B4GALNT4: variants seen among roughly 807,000 people sequenced by gnomAD.
B4GALNT4 encodes N-acetyl-beta-glucosaminyl-glycoprotein 4-beta-N-acetylgalactosaminyltransferase 1.
A neutral mutation model predicts 110.0 loss-of-function variants in B4GALNT4; 77 were observed. The observed-to-expected ratio is 0.70, with a 90% CI of 0.58 to 0.85. The LOEUF (loss-of-function observed/expected upper bound fraction) is 0.85. Among genes scored for constraint, B4GALNT4 ranks in the 40% least tolerant of loss-of-function variants. B4GALNT4 has a pLI of 0.00. For synonymous variants in B4GALNT4, 785 were observed against 655.5 expected (o/e 1.20, Z -3.02); for missense variants, 1,575 against 1,506.0 (o/e 1.05, Z -0.76).
At chr11:378,147 G>T (rs1182920716) in intron 14 of B4GALNT4, among the ~76,000 whole-genome samples, 1 of 152,022 alleles carries the variant, frequency 6.6e-6, no homozygotes, top group Non-Finnish European at 1.5e-5. Flanking sequence ...ATGGAAGGTT[G>T]CGAGCAGAGC....
chr11:375,357 G>A (rs986296418), intron 8 of B4GALNT4, 104 bp from the exon 9 acceptor site: 1 of 1,175,890 alleles, frequency 8.5e-7, no homozygotes, highest in Admixed American at 1.7e-5. Context: ...CATCCTTTAA[G>A]GGATTGGTCC....
chr11:372,966 G>C lies in B4GALNT4; in HGVS notation c.444+19G>C. 6.2e-7 allele frequency: 1 copy of C among 1,612,446 alleles called. No homozygotes were observed. The highest frequency in any genetic ancestry group is 8.5e-7 in the Non-Finnish European group (1 of 1,179,864). On this transcript the variant is annotated intron_variant, in intron 4 of 19. Coordinates refer to ENST00000329962, the MANE Select transcript of B4GALNT4 (RefSeq NM_178537.5). ...CCCTCATGTGAGTGCCGGGGTTGGGGGGTGCCGGGTGGGCAGGGCACGCAG... is the reference window on the plus strand; with the variant it reads ...CCCTCATGTGAGTGCCGGGGTTGGGCGGTGCCGGGTGGGCAGGGCACGCAG...
At position 376,319 on chromosome 11, in the gene B4GALNT4, A is replaced by C. The variant is rs1277126494; in HGVS notation, c.1265A>C (p.Gln422Pro). The change falls in exon 13 of 20, where the codon CAG (glutamine) becomes CCG (proline). Residue 422 changes from glutamine (Q) to proline (P), a missense_variant. Physicochemically the swap from Gln to Pro is moderately conservative, Grantham distance 76. Coordinates refer to ENST00000329962, the MANE Select transcript of B4GALNT4 (RefSeq NM_178537.5). ...EGDEDEEDEV[Q>P]RRAFLFLNPD... Reference sequence around the variant, plus strand: ...GATGAGGATGAAGAAGACGAGGTGCAGCGCCGAGCCTTCCTCTTCCTCAAC... The same window carrying C: ...GATGAGGATGAAGAAGACGAGGTGCCGCGCCGAGCCTTCCTCTTCCTCAAC... The C allele has an allele frequency of 1.2e-6, 2 of 1,609,862 alleles. No individual in the cohort carries two copies. Among genetic ancestry groups the C allele is most frequent in the Non-Finnish European group, 1.7e-6 (2 of 1,178,256 alleles).
Position 379,625 on chromosome 11 carries a change from C to G in B4GALNT4, c.2412C>G (p.Pro804=), listed in dbSNP as rs772295611. 5.9e-6 allele frequency: 9 copies of G among 1,524,402 alleles called. No individual in the cohort carries two copies. Among genetic ancestry groups the G allele is most frequent in the African/African-American group, 5.6e-5 (4 of 71,212 alleles). The allele number at this position is 1,524,402 out of a possible 1,614,324, so 94.4% of individuals were successfully genotyped here. A position where few individuals can be genotyped will look rare whatever the true frequency, so the allele number is the denominator to read the frequency against. Residue 804 remains proline (P), a synonymous_variant, in exon 15 of 20, where the codon CCC becomes CCG. Transcript: ENST00000329962. The stretch of plus-strand genomic sequence containing the variant: ...CCGCTCCCGCCGCCTCCGTGCGCCC[C>G]GACGGCCGCCCCGAGCTCTGCCGGC... The part of the protein sequence containing the change: ...PEPAPAASVR[P]DGRPELCRPL...
At chr11:380,593 C>T (rs971880926) in intron 18 of B4GALNT4, 148 bp downstream of exon 18, 32 of 1,295,374 alleles carry the variant, frequency 2.5e-5, no homozygotes, top group Non-Finnish European at 3.1e-5. Flanking sequence ...CCAGTCCCCC[C>T]GCACCAGCAC....
chr11:377,429 C>A (rs977715541), intron 14 of B4GALNT4, 102 bp downstream of exon 14: 50 of 1,278,090 alleles, frequency 3.9e-5, no homozygotes, highest in Non-Finnish European at 4.9e-5. Context: ...TTCCCCAGGG[C>A]CCAGTGGTGT....
intron 6 of B4GALNT4, 46 bp from the exon 7 acceptor site, chr11:373,403 A>ACTGGGGGGGGGGGGGGGGGGGGGGGG: frequency 7.9e-7 from 1 of 1,259,488 alleles, no homozygotes; most frequent in Non-Finnish European, 1.1e-6. Context: ...CCAGGGAGAG[A>ACTGGGGGGGGGGGGGGGGGGGGGGGG]GTGAACCCCC....
chr11:376,404 A>C lies in B4GALNT4; in HGVS notation c.1298-17A>C. ...CACCCACCTGCGCAGGGAGCTTCTA[A>C]CCCGCGTTTCCCGCAGACTTCCTGG... On this transcript the variant is annotated splice_polypyrimidine_tract_variant and intron_variant, in intron 13 of 19. Transcript: ENST00000329962. 2 of 1,601,650 alleles carry C rather than the reference A, an allele frequency of 1.2e-6. No homozygotes were observed. The highest frequency in any genetic ancestry group is 1.7e-6 in the Non-Finnish European group (2 of 1,177,912).
Position 373,943 on chromosome 11 carries a change from T to C in B4GALNT4, c.783+115T>C, listed in dbSNP as rs11826787. The stretch of plus-strand genomic sequence containing the variant: ...TTGACAAAGCAGATGGTCAGGGCCA[T>C]GGGCCTGAGGTCAGGAGGGTCTGCT... On this transcript the variant is annotated intron_variant, in intron 8 of 19. Coordinates refer to ENST00000329962, the MANE Select transcript of B4GALNT4 (RefSeq NM_178537.5). 1.2e-3 allele frequency: 1,274 copies of C among 1,075,678 alleles called. 6 individuals carry two copies. In the African/African-American group the frequency reaches 0.017, roughly 15 times the overall value. 66.6% of individuals were successfully genotyped at this position (1,075,678 alleles called of 1,614,324 possible).
At chr11:380,271 C>G in intron 17 of B4GALNT4, 21 bp from the exon 18 acceptor site, 1 of 1,611,378 alleles carries the variant, frequency 6.2e-7, no homozygotes, top group Non-Finnish European at 8.5e-7. Flanking sequence ...GGGCGGGGCT[C>G]AGACCTCCCG....
Position 373,843 on chromosome 11 carries a change from C to T in B4GALNT4, c.783+15C>T. 1 of 1,610,648 alleles carries T rather than the reference C, an allele frequency of 6.2e-7. No homozygotes were observed. The highest frequency in any genetic ancestry group is 1.1e-5 in the South Asian group (1 of 91,066). ...TGGAAGTGGGCGTGAGTGCCTTCCT[C>T]CCCTGGGGGCTTCTGGAGACTCCAC... On this transcript the variant is annotated intron_variant, in intron 8 of 19. Coordinates refer to ENST00000329962, the MANE Select transcript of B4GALNT4 (RefSeq NM_178537.5).
rs756735046 is a variant in B4GALNT4, at chr11:376,881, G to A, written c.1758G>A (p.Gln586=). The change falls in exon 14 of 20, where the codon CAG becomes CAA. Residue 586 remains glutamine (Q), a synonymous_variant. Coordinates refer to ENST00000329962, the MANE Select transcript of B4GALNT4 (RefSeq NM_178537.5). ...GGACCGGCGGCCCCCAGGCCACACA[G>A]CCGAGGCCCCCAGCCCGGGCGCAGG... ...GRRTGGPQAT[Q]PRPPARAQAT... is the part of the protein sequence containing the mutation. The A allele has an allele frequency of 2.2e-6, 3 of 1,349,030 alleles. No homozygotes were observed. Among genetic ancestry groups the A allele is most frequent in the Admixed American group, 4.2e-5 (1 of 23,888 alleles). The allele number at this position is 1,349,030 out of a possible 1,614,324, so 83.6% of individuals were successfully genotyped here.
At chr11:370,845 A>T (rs1028016040) in intron 1 of B4GALNT4, among the ~76,000 whole-genome samples, 1 of 151,982 alleles carries the variant, frequency 6.6e-6, no homozygotes, top group East Asian at 1.9e-4. Context: ...GGGCCACTCC[A>T]CCTGCCAAAG....
intron 10 of B4GALNT4, 30 bp downstream of exon 10, chr11:375,803 C>T (rs530572285): frequency 8.1e-6 from 13 of 1,602,176 alleles, no homozygotes; most frequent in Admixed American, 5.0e-5. Flanking sequence ...GGGGCGAGGG[C>T]GGGGGTGCCT....
chr11:375,440 C>T, intron 8 of B4GALNT4, 21 bp from the exon 9 acceptor site: 1 of 1,611,124 alleles, frequency 6.2e-7, no homozygotes, highest in Non-Finnish European at 8.5e-7. Flanking sequence ...GTCCCTGACC[C>T]CCACCCTCTC....
chr11:372,031 C>A (rs1846626132), intron 1 of B4GALNT4, 78 bp from the exon 2 acceptor site: 1 of 1,234,586 alleles, frequency 8.1e-7, no homozygotes, highest in Non-Finnish European at 1.2e-6. Flanking sequence ...GGGTCCCTGG[C>A]CCAGCTGAAC....
chr11:378,187 C>T (rs1268129656), intron 14 of B4GALNT4, among the ~76,000 whole-genome samples: 6 of 151,882 alleles, frequency 4.0e-5, no homozygotes, highest in South Asian at 2.1e-4. Flanking sequence ...GGAGGCACAG[C>T]TGCATGTGAC....
intron 18 of B4GALNT4, 78 bp downstream of exon 18, chr11:380,523 T>C: frequency 1.3e-6 from 2 of 1,515,024 alleles, no homozygotes; most frequent in Non-Finnish European, 1.8e-6. Context: ...ACCCGGGGCC[T>C]CTCTCAATTC....
rs1846573068 is a variant in B4GALNT4, at chr11:369,637, G to A, written c.-167G>A. 6.9e-6 allele frequency among the ~76,000 whole-genome samples: 1 copy of A among 144,490 alleles called. No homozygotes were observed. Among genetic ancestry groups the A allele is most frequent in the African/African-American group, 2.5e-5 (1 of 40,318 alleles). The allele number at this position is 144,490 out of a possible 152,430, so 94.8% of individuals were successfully genotyped here. A position where few individuals can be genotyped will look rare whatever the true frequency, so the allele number is the denominator to read the frequency against. ...GGGCCCGCGGCCGAGGGCGGCCTGG[G>A]GGGGTCGCGGCCGCACCCGGTGGCC... On this transcript the variant is annotated 5_prime_UTR_variant, in exon 1 of 20. Coordinates refer to ENST00000329962, the MANE Select transcript of B4GALNT4 (RefSeq NM_178537.5).
Sources: gnomAD v4.1 joint callset for allele counts (sites outside exome capture counted in the v4.1 genomes callset) on GRCh38, gnomAD v4.1.1 for gene constraint, MANE v1.5 for transcripts, NCBI Gene and HGNC (gene_info 2026-07-23, HGNC 2026-07-21) for gene names.